The following PRKCH variants were observed in gnomAD, a reference collection of about 807,000 sequenced individuals.
The protein encoded by PRKCH is protein kinase C eta type.
PRKCH carries 28 observed loss-of-function variants against 82.5 expected under a neutral mutation model. That is an observed-to-expected ratio of 0.34 (90% CI 0.25 to 0.47). PRKCH has a LOEUF of 0.47. PRKCH is among the 20% of genes least tolerant of loss of function. PRKCH has a pLI of 1.00. For missense variants in PRKCH, 705 were observed against 881.8 expected (o/e 0.80, Z 2.54); for synonymous variants, 322 against 327.4 (o/e 0.98, Z 0.18).
At chr14:61,431,276 C>G (rs568002063) in intron 2 of PRKCH, among the ~76,000 whole-genome samples, 1 of 152,308 alleles carries the variant, frequency 6.6e-6, no homozygotes, top group African/African-American at 2.4e-5. Flanking sequence ...TGCGGACAGC[C>G]CACCCCAAGG....
intron 12 of PRKCH, among the ~76,000 whole-genome samples, chr14:61,539,256 C>G (rs1417166191): frequency 2.0e-5 from 3 of 152,034 alleles, no homozygotes; most frequent in Middle Eastern, 6.3e-3. Flanking sequence ...TTATAAAACC[C>G]AGGAAAGGCA....
chr14:61,450,160 A>T (rs145521090), intron 5 of PRKCH, among the ~76,000 whole-genome samples: 1 of 152,204 alleles, frequency 6.6e-6, no homozygotes, highest in African/African-American at 2.4e-5. Flanking sequence ...AAGAGGCCAT[A>T]AAAGTTTCAA....
intron 1 of PRKCH, among the ~76,000 whole-genome samples, chr14:61,289,432 T>G (rs965256074): frequency 1.3e-5 from 2 of 152,202 alleles, no homozygotes; most frequent in African/African-American, 4.8e-5. Context: ...CAAGGCCAGG[T>G]GCAGTGGCTT....
intron 10 of PRKCH, among the ~76,000 whole-genome samples, chr14:61,497,701 T>C (rs1048253258): frequency 1.3e-5 from 2 of 152,150 alleles, no homozygotes; most frequent in East Asian, 1.9e-4. Context: ...GATATCCACA[T>C]TGAAACTATT....
chr14:61,420,282 G>T (rs925174819), intron 2 of PRKCH, among the ~76,000 whole-genome samples: 4 of 152,104 alleles, frequency 2.6e-5, no homozygotes, highest in African/African-American at 9.7e-5. Flanking sequence ...TCTGAGCATT[G>T]GTTGTGTGGG....
intron 1 of PRKCH, among the ~76,000 whole-genome samples, chr14:61,349,617 C>T (rs536622935): frequency 1.9e-3 from 282 of 152,108 alleles, no homozygotes; most frequent in Non-Finnish European, 3.6e-3. Context: ...AATCCCAGAA[C>T]TTTGGGAGGC....
intron 1 of PRKCH, among the ~76,000 whole-genome samples, chr14:61,244,837 T>C (rs2044867083): frequency 6.6e-6 from 1 of 152,192 alleles, no homozygotes; most frequent in African/African-American, 2.4e-5. Context: ...AAGAAGAAAC[T>C]TGTGAATGTT....
At chr14:61,353,664 C>G (rs2046110547) in intron 1 of PRKCH, 3 of 152,236 alleles carry the variant, frequency 2.0e-5, no homozygotes, top group Non-Finnish European at 2.9e-5. Flanking sequence ...GGCATGGTGG[C>G]TCATACCTGT....
chr14:61,294,909 G>C (rs879286267), intron 1 of PRKCH, among the ~76,000 whole-genome samples: 1 of 152,054 alleles, frequency 6.6e-6, no homozygotes, highest in Non-Finnish European at 1.5e-5. Flanking sequence ...GTCTTGCTCT[G>C]TTGCCCAGGC....
In PRKCH at chr14:61,530,421, G is replaced by A. The variant is rs1490812192; in HGVS notation, c.1587G>A (p.Met529Ile). The A allele has an allele frequency of 1.3e-6, 2 of 1,593,048 alleles. No homozygotes were observed. Among genetic ancestry groups the A allele is most frequent in the Non-Finnish European group, 1.7e-6 (2 of 1,168,388 alleles). The change falls in exon 12 of 14, where the codon ATG becomes ATA. Residue 529 changes from methionine (M) to isoleucine (I), a missense_variant. Coordinates refer to ENST00000332981, the MANE Select transcript of PRKCH (RefSeq NM_006255.5). The stretch of plus-strand genomic sequence containing the variant: ...CCTTTGCACAGATCCTCCAGGAAAT[G>A]CTGTACGGGCCTGCAGTAGACTGGT... ...DYIAPEILQE[M>I]LYGPAVDWWA...
chr14:61,310,393 A>G (rs1021906697), intron 1 of PRKCH, among the ~76,000 whole-genome samples: 1 of 152,230 alleles, frequency 6.6e-6, no homozygotes, highest in African/African-American at 2.4e-5. Context: ...TGGCCAAAAC[A>G]AAGTGGCTAC....
intron 4 of PRKCH, among the ~76,000 whole-genome samples, chr14:61,448,817 TG>T (rs1278954584): frequency 6.6e-6 from 1 of 152,098 alleles, no homozygotes; most frequent in East Asian, 1.9e-4. Flanking sequence ...GGAACCTGGG[TG>T]GGAAATTTGA....
chr14:61,285,143 T>TAA (rs398099396), intron 1 of PRKCH, among the ~76,000 whole-genome samples: 2 of 152,224 alleles, frequency 1.3e-5, no homozygotes, highest in East Asian at 3.8e-4. Flanking sequence ...CAGATTTTTT[T>TAA]CCTTGGGATA....
At chr14:61,347,094 G>A (rs2046004139) in intron 1 of PRKCH, among the ~76,000 whole-genome samples, 1 of 152,158 alleles carries the variant, frequency 6.6e-6, no homozygotes, top group Admixed American at 6.5e-5. Context: ...GTTGACGGGT[G>A]GGGACTGGTG....
intron 1 of PRKCH, among the ~76,000 whole-genome samples, chr14:61,213,003 G>A (rs1286760494): frequency 6.6e-6 from 1 of 152,126 alleles, no homozygotes; most frequent in Non-Finnish European, 1.5e-5. Flanking sequence ...GGAATGAGGG[G>A]TTGTCTTTCT....
chr14:61,362,729 G>T (rs936665957), intron 1 of PRKCH, among the ~76,000 whole-genome samples: 8 of 152,214 alleles, frequency 5.3e-5, no homozygotes, highest in Non-Finnish European at 1.0e-4. Context: ...GAAGATGCTT[G>T]TTCTGTTGAA....
chr14:61,370,594 T>C lies in PRKCH; in HGVS notation c.364-20631T>C, dbSNP rs376684298. ...TTCCTGTTCAGATTTTCTGCAACTT[T>C]TCCTGAAATCAGAGTGTAATGGGCA... On this transcript the variant is annotated intron_variant, in intron 1 of 13. Coordinates refer to ENST00000332981, the MANE Select transcript of PRKCH (RefSeq NM_006255.5). Among the ~76,000 whole-genome samples the C allele has an allele frequency of 4.6e-5, 7 of 152,130 alleles. No homozygotes were observed. The East Asian group carries it at 1.3e-3, about 29-fold the overall frequency.
chr14:61,292,289 A>G (rs1468099128), intron 1 of PRKCH, among the ~76,000 whole-genome samples: 1 of 150,908 alleles, frequency 6.6e-6, no homozygotes, highest in East Asian at 1.9e-4. Flanking sequence ...GTTCAAGACC[A>G]GCCTAGGAAA....
intron 10 of PRKCH, among the ~76,000 whole-genome samples, chr14:61,522,512 C>G (rs995998146): frequency 5.3e-5 from 8 of 152,180 alleles, no homozygotes; most frequent in African/African-American, 1.9e-4. Context: ...CCCCTCACCT[C>G]TGTTCCTTCC....
Sources: allele counts gnomAD v4.1 joint callset (sites outside exome capture counted in the v4.1 genomes callset), GRCh38; gene constraint gnomAD v4.1.1; transcripts MANE v1.5; gene names NCBI Gene and HGNC (gene_info 2026-07-23, HGNC 2026-07-21).